KCNJ6: variants seen among roughly 807,000 people sequenced by gnomAD.
KCNJ6 encodes the protein potassium inwardly rectifying channel subfamily J member 6.
A neutral mutation model predicts 34.2 loss-of-function variants in KCNJ6; 9 were observed. That is an observed-to-expected ratio of 0.26 (90% CI 0.16 to 0.46). The LOEUF (loss-of-function observed/expected upper bound fraction) is 0.46, where lower values mean the gene tolerates loss of function less well. Among genes scored for constraint, KCNJ6 ranks in the 20% least tolerant of loss-of-function variants. The probability of loss-of-function intolerance (pLI) is 1.00; values close to 1 mark genes in which losing one functional copy is unlikely to be tolerated. For synonymous variants in KCNJ6, 196 were observed against 207.1 expected (o/e 0.95, Z 0.46); for missense variants, 236 against 531.3 (o/e 0.44, Z 5.46).
chr21:37,749,268 C>T (rs1601452012), intron 2 of KCNJ6, among the ~76,000 whole-genome samples: 1 of 152,126 alleles, frequency 6.6e-6, no homozygotes, highest in Non-Finnish European at 1.5e-5. Flanking sequence ...GGCATCACTT[C>T]GAGGAAGCCG....
chr21:37,664,345 A>G (rs898732342), intron 3 of KCNJ6, among the ~76,000 whole-genome samples: 1 of 152,168 alleles, frequency 6.6e-6, no homozygotes, highest in African/African-American at 2.4e-5. Context: ...GACAATAAAG[A>G]TGACAGCAGA....
At chr21:37,720,577 A>G (rs2054819989) in intron 2 of KCNJ6, among the ~76,000 whole-genome samples, 1 of 152,208 alleles carries the variant, frequency 6.6e-6, no homozygotes, top group Non-Finnish European at 1.5e-5. Flanking sequence ...GACAGATGTC[A>G]TCTTTCTCTT....
intron 1 of KCNJ6, among the ~76,000 whole-genome samples, chr21:37,890,059 T>C (rs1468524780): frequency 6.6e-6 from 1 of 152,196 alleles, no homozygotes; most frequent in Non-Finnish European, 1.5e-5. Context: ...TATACTTCCA[T>C]ATTAGTCTTC....
At chr21:37,712,546 C>T (rs1304702296) in intron 3 of KCNJ6, among the ~76,000 whole-genome samples, 2 of 95,192 alleles carry the variant, frequency 2.1e-5, no homozygotes, top group African/African-American at 6.2e-5. Context: ...CTCCCTCCTC[C>T]TCCCTCCCTC....
chr21:37,673,472 G>T (rs1336458793), intron 3 of KCNJ6, among the ~76,000 whole-genome samples: 1 of 152,216 alleles, frequency 6.6e-6, no homozygotes, highest in East Asian at 1.9e-4. Flanking sequence ...TTTTCTCAGG[G>T]ATAGGATTTG....
At chr21:37,728,569 G>C (rs893812935) in intron 2 of KCNJ6, among the ~76,000 whole-genome samples, 1 of 152,142 alleles carries the variant, frequency 6.6e-6, no homozygotes, top group Non-Finnish European at 1.5e-5. Context: ...CTTACAAAGA[G>C]CTACGATGCT....
At chr21:37,810,199 A>C (rs976185569) in intron 2 of KCNJ6, among the ~76,000 whole-genome samples, 1 of 152,198 alleles carries the variant, frequency 6.6e-6, no homozygotes, top group African/African-American at 2.4e-5. Context: ...CTTTTCACTT[A>C]ACTATATCTG....
intron 2 of KCNJ6, among the ~76,000 whole-genome samples, chr21:37,744,313 A>C (rs1342080309): frequency 6.6e-6 from 1 of 152,128 alleles, no homozygotes; most frequent in Non-Finnish European, 1.5e-5. Context: ...AAAGTATAAT[A>C]ATAATAAAAT....
chr21:37,790,362 C>T (rs148563725), intron 2 of KCNJ6, among the ~76,000 whole-genome samples: 1 of 152,268 alleles, frequency 6.6e-6, no homozygotes, highest in African/African-American at 2.4e-5. Context: ...TGTCGTTTAC[C>T]ACCACACAAA....
At chr21:37,744,415 G>T (rs1393064948) in intron 2 of KCNJ6, among the ~76,000 whole-genome samples, 3 of 152,116 alleles carry the variant, frequency 2.0e-5, no homozygotes, top group Non-Finnish European at 4.4e-5. Context: ...GAATGCCCTG[G>T]AAACAGAAAG....
chr21:37,868,878 T>C (rs999508144), intron 1 of KCNJ6, among the ~76,000 whole-genome samples: 7 of 152,202 alleles, frequency 4.6e-5, no homozygotes, highest in Non-Finnish European at 2.9e-5. Context: ...TACACAAGAT[T>C]CTTGGAAGCT....
intron 1 of KCNJ6, among the ~76,000 whole-genome samples, chr21:37,867,820 A>C (rs1157547743): frequency 1.3e-5 from 2 of 152,244 alleles, no homozygotes; most frequent in South Asian, 2.1e-4. Flanking sequence ...AGGGGGCAGA[A>C]GGATCATCCA....
chr21:37,756,514 C>T (rs1254804368), intron 2 of KCNJ6, among the ~76,000 whole-genome samples: 1 of 152,236 alleles, frequency 6.6e-6, no homozygotes, highest in East Asian at 1.9e-4. Context: ...TGGTCTCCAC[C>T]CTGGCCCCAG....
In KCNJ6 at chr21:37,620,881, A is replaced by G. The variant is rs2054287978; in HGVS notation, c.*4278T>C. 1 of 152,236 alleles carries G rather than the reference A, an allele frequency of 6.6e-6. No individual in the cohort carries two copies. Among genetic ancestry groups the G allele is most frequent in the African/African-American group, 2.4e-5 (1 of 41,450 alleles). 9.4% of individuals were successfully genotyped at this position (152,236 alleles called of 1,614,324 possible). On this transcript the variant is annotated 3_prime_UTR_variant, in exon 4 of 4. Coordinates refer to ENST00000609713, the MANE Select transcript of KCNJ6 (RefSeq NM_002240.5). ...CTTCTGACAGAATTTTGACTTCTAG[A>G]TGACACTCTGCATCTAAAGCACTCA...
chr21:37,620,526 C>G lies in KCNJ6; in HGVS notation c.*4633G>C, dbSNP rs981136343. The G allele has an allele frequency of 2.0e-5, 3 of 151,800 alleles. No individual in the cohort carries two copies. The highest frequency in any genetic ancestry group is 2.9e-5 in the Non-Finnish European group (2 of 67,988). The allele number at this position is 151,800 out of a possible 1,614,324, so 9.4% of individuals were successfully genotyped here. ...TCTTAGCTCACAAGTGGTACAATAA[C>G]AGGCAGCAGGCCAGATTTTTTTTTT... On this transcript the variant is annotated 3_prime_UTR_variant, in exon 4 of 4. Transcript: ENST00000609713.
intron 1 of KCNJ6, among the ~76,000 whole-genome samples, chr21:37,912,435 T>A (rs1326438791): frequency 1.3e-5 from 2 of 152,192 alleles, no homozygotes; most frequent in African/African-American, 4.8e-5. Context: ...ACCCCCCTTT[T>A]TAATTTATTA....
rs1201181091 is a variant in KCNJ6 at position 37,695,034 on chromosome 21, G to A, written c.946+19177C>T. ...TAAGCTGCCTAGCCTATGATATTTT[G>A]TTATGGCAGCCTGAGCTGACTAATA... On this transcript the variant is annotated intron_variant, in intron 3 of 3. Coordinates refer to ENST00000609713, the MANE Select transcript of KCNJ6 (RefSeq NM_002240.5). The surrounding 1 kb of genome is among the most constrained non-coding windows in gnomAD (Gnocchi z 4.2). 6.6e-6 allele frequency among the ~76,000 whole-genome samples: 1 copy of A among 152,204 alleles called. No homozygotes were observed. Among genetic ancestry groups the A allele is most frequent in the East Asian group, 1.9e-4 (1 of 5,204 alleles).
intron 3 of KCNJ6, among the ~76,000 whole-genome samples, chr21:37,684,300 C>G (rs142522065): frequency 1.3e-5 from 2 of 151,970 alleles, no homozygotes; most frequent in African/African-American, 4.8e-5. Context: ...ATGTCATCTT[C>G]ACACGGCCTT....
intron 1 of KCNJ6, among the ~76,000 whole-genome samples, chr21:37,903,738 C>CAAAAA: frequency 7.3e-6 from 1 of 137,404 alleles, no homozygotes; most frequent in South Asian, 2.4e-4. Context: ...CAAAACAAAA[C>CAAAAA]AAAACAAAAA....
Sources: gnomAD v4.1 joint callset for allele counts (sites outside exome capture counted in the v4.1 genomes callset) on GRCh38, gnomAD v4.1.1 for gene constraint, Gnocchi (gnomAD v3.1) non-coding constraint, MANE v1.5 for transcripts, NCBI Gene and HGNC (gene_info 2026-07-23, HGNC 2026-07-21) for gene names.